Variants in GGT1 observed in about 807,000 individuals in gnomAD.
GGT1 encodes gamma-glutamyltransferase 1, also known as glutathione hydrolase 1 proenzyme.
A neutral mutation model predicts 56.0 loss-of-function variants in GGT1; 21 were observed. That is an observed-to-expected ratio of 0.38 (90% CI 0.27 to 0.54). The LOEUF (loss-of-function observed/expected upper bound fraction) is 0.54. Among genes scored for constraint, GGT1 ranks in the 20% least tolerant of loss-of-function variants. The pLI is 0.82. For synonymous variants in GGT1, 238 were observed against 342.6 expected, an observed-to-expected ratio of 0.69 and a Z score of 3.37; for missense variants, 466 against 787.0, an observed-to-expected ratio of 0.59 and a Z score of 4.88.
intron 2 of GGT1, chr22:24,608,991 T>A (rs1403318035): frequency 1.3e-5 from 2 of 152,316 alleles, no homozygotes; most frequent in East Asian, 3.9e-4. Flanking sequence ...CCATAATAGA[T>A]GCTGCATATT....
the GGT1 span, chr22:24,588,130 G>T: frequency 9.2e-7 from 1 of 1,086,370 alleles, no homozygotes; most frequent in Non-Finnish European, 1.4e-6. Flanking sequence ...TTCAGCACCA[G>T]CCTCTTGGTG....
In GGT1 at chr22:24,615,139, G is replaced by A. The variant is rs183193539; in HGVS notation, c.382+12G>A. The A allele has an allele frequency of 1.9e-5, 31 of 1,597,392 alleles. No individual in the cohort carries two copies. Among genetic ancestry groups the A allele is most frequent in the African/African-American group, 2.7e-5 (2 of 74,248 alleles). ...GCAGTCCCAGAAGGGTAAGCCATGCGGCAGACTTGGGGCGTGGGTGCAGAG... is the reference window on the plus strand; with the variant it reads ...GCAGTCCCAGAAGGGTAAGCCATGCAGCAGACTTGGGGCGTGGGTGCAGAG... On this transcript the variant is annotated intron_variant, in intron 7 of 15. Coordinates refer to ENST00000400382, the MANE Select transcript of GGT1 (RefSeq NM_001288833.2).
At chr22:24,595,956 G>A (rs533890734) in intron 1 of GGT1, among the ~76,000 whole-genome samples, 4 of 152,362 alleles carry the variant, frequency 2.6e-5, no homozygotes, top group African/African-American at 9.6e-5. Context: ...GGTAGCCACT[G>A]TAAAGAAGGA....
In GGT1 at chr22:24,624,960, T is replaced by C. The variant is rs1456835087; in HGVS notation, c.1020+1044T>C. ...CAGCATCTCACACAGCTCACCACAC[T>C]CTCCTCGAGTTTTCATTTTGCAAAT... On this transcript the variant is annotated intron_variant, in intron 11 of 15. Transcript: ENST00000400382. Among the ~76,000 whole-genome samples the C allele has an allele frequency of 2.8e-4, 43 of 151,640 alleles. 1 individual carries two copies. The highest frequency in any genetic ancestry group is 2.8e-3 in the Admixed American group (42 of 15,208).
upstream of GGT1, among the ~76,000 whole-genome samples, chr22:24,602,240 A>G (rs1339900245): frequency 6.6e-6 from 1 of 151,778 alleles, no homozygotes; most frequent in Admixed American, 6.6e-5. Flanking sequence ...CCCAAATCCA[A>G]TCCCAGCTCG....
At chr22:24,600,393 T>C (rs915125020), upstream of GGT1, among the ~76,000 whole-genome samples, 2 of 152,236 alleles carry the variant, frequency 1.3e-5, no homozygotes, top group South Asian at 2.1e-4. Context: ...CCAGGGACTC[T>C]AGGGCCCATG....
intron 1 of GGT1, among the ~76,000 whole-genome samples, chr22:24,595,565 G>A (rs1312449610): frequency 6.6e-6 from 1 of 152,228 alleles, no homozygotes; most frequent in Non-Finnish European, 1.5e-5. Context: ...GGGTAGCCCT[G>A]CCATCCCTAG....
rs2047948210 is a variant in GGT1 at position 24,628,754 on chromosome 22, C to CT, written c.1626dup (p.Val543CysfsTer36). The CT allele has an allele frequency of 6.2e-7, 1 of 1,608,644 alleles. No individual in the cohort carries two copies. The highest frequency in any genetic ancestry group is 8.5e-7 in the Non-Finnish European group (1 of 1,177,794). On this transcript the variant is annotated frameshift_variant, in exon 16 of 16. Coordinates refer to ENST00000400382, the MANE Select transcript of GGT1 (RefSeq NM_001288833.2). LOFTEE classifies it high-confidence loss of function. The surrounding 1 kb of genome is among the most constrained non-coding windows in gnomAD (Gnocchi z 5.7). ...ACCCAGATCGCGTCCACCTTCATCG[C>CT]TGTGGTGCAAGCCATCGTCCGCACG...
chr22:24,591,358 C>T (rs559720380), upstream of GGT1, among the ~76,000 whole-genome samples: 63 of 152,310 alleles, frequency 4.1e-4, no homozygotes, highest in African/African-American at 1.5e-3. Flanking sequence ...GGATTATAGG[C>T]GTGAGCCACT....
At chr22:24,614,661 A>G in intron 5 of GGT1, 115 bp from the exon 6 acceptor site, 1 of 933,148 alleles carries the variant, frequency 1.1e-6, no homozygotes, top group South Asian at 1.4e-5. Flanking sequence ...CAAAAACCCC[A>G]AAACTCGAAT....
chr22:24,593,217 C>T (rs1027762535), upstream of GGT1: 8 of 552,992 alleles, frequency 1.4e-5, no homozygotes, highest in African/African-American at 1.4e-4. Flanking sequence ...TCGGTTTGGC[C>T]TGATCACACT....
chr22:24,622,553 G>A (rs1489516792), intron 9 of GGT1, among the ~76,000 whole-genome samples: 4 of 152,118 alleles, frequency 2.6e-5, no homozygotes, highest in South Asian at 2.1e-4. Context: ...GATAGAGCGA[G>A]ACTCCGTCTC....
chr22:24,614,047 C>T (rs1178782449), intron 5 of GGT1, among the ~76,000 whole-genome samples: 1 of 151,884 alleles, frequency 6.6e-6, no homozygotes, highest in African/African-American at 2.4e-5. Context: ...GAGACCCTGT[C>T]TCATAAAACA....
chr22:24,611,531 C>G (rs2046659459), intron 5 of GGT1, among the ~76,000 whole-genome samples: 3 of 129,420 alleles, frequency 2.3e-5, no homozygotes, highest in East Asian at 2.1e-4. Context: ...ATCTATCTAT[C>G]TATCTATCTA....
chr22:24,597,829 T>C (rs2045720650), intron 1 of GGT1, among the ~76,000 whole-genome samples: 2 of 152,340 alleles, frequency 1.3e-5, no homozygotes, highest in East Asian at 3.9e-4. Context: ...AGACTCCAGC[T>C]GGTGTCTTCC....
upstream of GGT1, among the ~76,000 whole-genome samples, chr22:24,594,652 C>T (rs2045661774): frequency 6.6e-6 from 1 of 152,104 alleles, no homozygotes; most frequent in African/African-American, 2.4e-5. Context: ...TGGCACCTGC[C>T]AGCTGGACCC....
Position 24,620,564 on chromosome 22 carries a change from C to G in GGT1, c.575+44C>G. On this transcript the variant is annotated intron_variant, in intron 8 of 15. Transcript: ENST00000400382. The surrounding 1 kb of genome is among the most constrained non-coding windows in gnomAD (Gnocchi z 5.6). The stretch of plus-strand genomic sequence containing the variant: ...CCCCCTGACACAGGCAGGGCAGGCA[C>G]AGCCCAAGGACCTTGCAGGCCGTAG... The G allele has an allele frequency of 6.2e-7, 1 of 1,609,266 alleles. No homozygotes were observed. Among genetic ancestry groups the G allele is most frequent in the South Asian group, 1.1e-5 (1 of 89,680 alleles).
chr22:24,590,852 G>C (rs2045548252), upstream of GGT1, among the ~76,000 whole-genome samples: 1 of 152,130 alleles, frequency 6.6e-6, no homozygotes, highest in African/African-American at 2.4e-5. Context: ...GGGGCCAGAA[G>C]CTCTGGAACC....
chr22:24,628,955 G>A lies in GGT1; in HGVS notation c.*116G>A. The A allele has an allele frequency of 6.6e-7, 1 of 1,521,050 alleles. No individual in the cohort carries two copies. Among genetic ancestry groups the A allele is most frequent in the Non-Finnish European group, 8.9e-7 (1 of 1,120,346 alleles). The allele number at this position is 1,521,050 out of a possible 1,614,324, so 94.2% of individuals were successfully genotyped here. ...TGAGCAGCAGAGCAGCACAATAAAT[G>A]AGGCCACTGTGCCAGGCTCCAGGTG... On this transcript the variant is annotated 3_prime_UTR_variant, in exon 16 of 16. Coordinates refer to ENST00000400382, the MANE Select transcript of GGT1 (RefSeq NM_001288833.2). This position sits in a 1 kb window ranked among gnomAD's most constrained non-coding sequence, Gnocchi z 5.7.
Sources: gnomAD v4.1 joint callset for allele counts (sites outside exome capture counted in the v4.1 genomes callset) on GRCh38, gnomAD v4.1.1 for gene constraint, Gnocchi (gnomAD v3.1) non-coding constraint, MANE v1.5 for transcripts, NCBI Gene and HGNC (gene_info 2026-07-23, HGNC 2026-07-21) for gene names.